Variants in MX2 observed in about 807,000 individuals in gnomAD.
MX2 encodes the protein MX dynamin like GTPase 2.
Under a neutral mutation model 74.0 loss-of-function variants are expected in MX2, and 51 were observed. The observed-to-expected ratio is 0.69, with a 90% CI of 0.55 to 0.87. The LOEUF is 0.87. Ranked by LOEUF, MX2 falls within the 40% of genes least tolerant of loss-of-function variation. The probability of loss-of-function intolerance (pLI) is 0.00; values close to 1 mark genes in which losing one functional copy is unlikely to be tolerated. For missense variants in MX2, 832 were observed against 908.7 expected, an observed-to-expected ratio of 0.92 and a Z score of 1.09; for synonymous variants, 369 against 339.3, an observed-to-expected ratio of 1.09 and a Z score of -0.96.
rs114918887 is a variant in MX2 at position 41,378,445 on chromosome 21, C to T, written c.442+464C>T. 7.2e-3 allele frequency among the ~76,000 whole-genome samples: 1,091 copies of T among 152,278 alleles called. 20 individuals are homozygous for T. Among genetic ancestry groups the T allele is most frequent in the African/African-American group, 0.025 (1,027 of 41,496 alleles). Reference sequence around the variant, plus strand: ...CCCGTGTGTCAGTCAGGTGCAGGGACCTTGCCACCTCTTCCTAGTGGTCTT... The same window carrying T: ...CCCGTGTGTCAGTCAGGTGCAGGGATCTTGCCACCTCTTCCTAGTGGTCTT... On this transcript the variant is annotated intron_variant, in intron 3 of 13. Coordinates refer to ENST00000330714, the MANE Select transcript of MX2 (RefSeq NM_002463.2).
intron 5 of MX2, among the ~76,000 whole-genome samples, chr21:41,384,927 A>T (rs1035474646): frequency 6.6e-6 from 1 of 152,004 alleles, no homozygotes; most frequent in Non-Finnish European, 1.5e-5. Flanking sequence ...TGCTTAAATC[A>T]TTACAAAGGG....
chr21:41,365,478 G>A (rs1204563152), intron 1 of MX2: 1 of 152,142 alleles, frequency 6.6e-6, no homozygotes, highest in African/African-American at 2.4e-5. Flanking sequence ...AGAACATGTG[G>A]TATTTGGTTT....
chr21:41,403,264 C>A lies in MX2; in HGVS notation c.1574-3C>A. On this transcript the variant is annotated splice_polypyrimidine_tract_variant and splice_region_variant and intron_variant, in intron 11 of 13. Transcript: ENST00000330714. ...TCTTCTCCTTTTTGCTTTTTTTGGT[C>A]AGAAATTATCCAGCAAGCTTTCATT... The A allele has an allele frequency of 6.3e-7, 1 of 1,591,090 alleles. No homozygotes were observed. Among genetic ancestry groups the A allele is most frequent in the South Asian group, 1.1e-5 (1 of 89,504 alleles).
At chr21:41,373,342 C>T (rs1232289652) in intron 1 of MX2, among the ~76,000 whole-genome samples, 3 of 152,164 alleles carry the variant, frequency 2.0e-5, no homozygotes, top group East Asian at 3.9e-4. Flanking sequence ...CCAGGAGCCC[C>T]GGCTGTCACC....
intron 1 of MX2, among the ~76,000 whole-genome samples, chr21:41,367,820 C>T (rs1362046658): frequency 6.6e-6 from 1 of 152,160 alleles, no homozygotes; most frequent in Non-Finnish European, 1.5e-5. Flanking sequence ...CTTATCAAGG[C>T]CTTGCTGTCC....
intron 8 of MX2, 52 bp downstream of exon 8, chr21:41,397,743 C>T (rs1178720888): frequency 6.6e-7 from 1 of 1,513,574 alleles, no homozygotes; most frequent in South Asian, 1.1e-5. Flanking sequence ...GCCCAAGTCA[C>T]TCTCTTGGTC....
At chr21:41,383,836 C>G (rs2089531159) in intron 5 of MX2, among the ~76,000 whole-genome samples, 1 of 152,038 alleles carries the variant, frequency 6.6e-6, no homozygotes. Flanking sequence ...TTCCATATTT[C>G]TTAGCCCTCC....
chr21:41,377,660 A>G, intron 2 of MX2, 129 bp from the exon 3 acceptor site: 1 of 936,486 alleles, frequency 1.1e-6, no homozygotes, highest in Non-Finnish European at 1.6e-6. Context: ...GCACCCCTCC[A>G]TCCACCTTCT....
At position 41,369,861 on chromosome 21, in the gene MX2, C is replaced by T. The variant is rs566073942; in HGVS notation, c.-71-6975C>T. ...GCCCCCGCCCCCGCTCCCGCCCCGCCGTGGCTGTGCAGCAAGCAGGGGACA... is the reference window on the plus strand; with the variant it reads ...GCCCCCGCCCCCGCTCCCGCCCCGCTGTGGCTGTGCAGCAAGCAGGGGACA... On this transcript the variant is annotated intron_variant, in intron 1 of 13. Coordinates refer to ENST00000330714, the MANE Select transcript of MX2 (RefSeq NM_002463.2). Among the ~76,000 whole-genome samples the T allele has an allele frequency of 1.5e-4, 23 of 151,782 alleles. 1 individual carries two copies. Among genetic ancestry groups the T allele is most frequent in the Non-Finnish European group, 2.5e-4 (17 of 67,864 alleles).
chr21:41,388,292 G>A lies in MX2; in HGVS notation c.733-2273G>A, dbSNP rs750965796. ...CATGGACCACATTTCCTGTCACTGCGCCTTGGCCCCTCGCTCCACCCTACC... is the reference window on the plus strand; with the variant it reads ...CATGGACCACATTTCCTGTCACTGCACCTTGGCCCCTCGCTCCACCCTACC... On this transcript the variant is annotated intron_variant, in intron 5 of 13. Coordinates refer to ENST00000330714, the MANE Select transcript of MX2 (RefSeq NM_002463.2). This position sits in a 1 kb window ranked among gnomAD's most constrained non-coding sequence, Gnocchi z 4.0. Among the ~76,000 whole-genome samples the A allele has an allele frequency of 2.0e-5, 3 of 152,090 alleles. No homozygotes were observed. The highest frequency in any genetic ancestry group is 7.2e-5 in the African/African-American group (3 of 41,412).
chr21:41,378,809 G>A (rs967779395), intron 3 of MX2, among the ~76,000 whole-genome samples: 2 of 152,210 alleles, frequency 1.3e-5, no homozygotes, highest in Non-Finnish European at 2.9e-5. Flanking sequence ...CAGAACCCAA[G>A]AAGGAGCAGC....
intron 1 of MX2, chr21:41,373,806 A>G (rs1208807041): frequency 1.2e-5 from 1 of 82,468 alleles, no homozygotes; most frequent in Non-Finnish European, 2.2e-5. Context: ...TCTCAAACTT[A>G]AAAAAAAAAA....
intron 13 of MX2, among the ~76,000 whole-genome samples, chr21:41,407,479 T>C (rs2089901927): frequency 6.6e-6 from 1 of 152,174 alleles, no homozygotes; most frequent in Non-Finnish European, 1.5e-5. Context: ...TGACTGTCTA[T>C]CCAATATGCA....
rs2089288485 is a variant in MX2 at position 41,368,632 on chromosome 21, C to T, written c.-72+6577C>T. 6.6e-6 allele frequency among the ~76,000 whole-genome samples: 1 copy of T among 152,186 alleles called. No homozygotes were observed. On this transcript the variant is annotated intron_variant, in intron 1 of 13. Coordinates refer to ENST00000330714, the MANE Select transcript of MX2 (RefSeq NM_002463.2). The surrounding 1 kb of genome is among the most constrained non-coding windows in gnomAD (Gnocchi z 4.6). The stretch of plus-strand genomic sequence containing the variant: ...GATACGCTTAGCAAGACCTGCCCTT[C>T]ATGAAAATGAGGGTGAGGGTGAGGG...
At chr21:41,362,254 CACAG>C (rs2089217324) in intron 1 of MX2, among the ~76,000 whole-genome samples, 199 bp downstream of exon 1, 1 of 152,206 alleles carries the variant, frequency 6.6e-6, no homozygotes, top group South Asian at 2.1e-4. Context: ...TAGCCTTGTG[CACAG>C]ACAAAGAGGC....
chr21:41,373,826 A>AAAG (rs1352659233), intron 1 of MX2: 6 of 150,130 alleles, frequency 4.0e-5, no homozygotes, highest in African/African-American at 1.5e-4. Flanking sequence ...AAAAAAAAAA[A>AAAG]GCCAGACAGA....
chr21:41,390,577 A>C lies in MX2; in HGVS notation c.745A>C (p.Ile249Leu). The C allele has an allele frequency of 6.2e-7, 1 of 1,614,176 alleles. No individual in the cohort carries two copies. Among genetic ancestry groups the C allele is most frequent in the South Asian group, 1.1e-5 (1 of 91,080 alleles). ...TCTTTGGCATCAGATCAAGGCTCTCATCAAGAAGTACATCCAGAGGCAGCA... is the reference window on the plus strand; with the variant it reads ...TCTTTGGCATCAGATCAAGGCTCTCCTCAAGAAGTACATCCAGAGGCAGCA... ...RDIGLQIKALIKKYIQRQQTI... is the reference protein window; with the variant it reads ...RDIGLQIKALLKKYIQRQQTI... Residue 249 changes from isoleucine (I) to leucine (L), a missense_variant, in exon 6 of 14, where the codon ATC (isoleucine) becomes CTC (leucine). Coordinates refer to ENST00000330714, the MANE Select transcript of MX2 (RefSeq NM_002463.2).
chr21:41,374,725 G>C (rs566069529), intron 1 of MX2, among the ~76,000 whole-genome samples: 1 of 152,164 alleles, frequency 6.6e-6, no homozygotes, highest in Non-Finnish European at 1.5e-5. Flanking sequence ...AACTCTGGAC[G>C]CATGAGATTC....
Position 41,368,658 on chromosome 21 carries a change from T to C in MX2, c.-72+6603T>C, listed in dbSNP as rs906897770. On this transcript the variant is annotated intron_variant, in intron 1 of 13. Transcript: ENST00000330714. This position sits in a 1 kb window ranked among gnomAD's most constrained non-coding sequence, Gnocchi z 4.6. ...ATGAAAATGAGGGTGAGGGTGAGGG[T>C]GGCGACAGTTTTAAATATGTTTTAA... Among the ~76,000 whole-genome samples the C allele has an allele frequency of 7.2e-5, 11 of 152,134 alleles. No homozygotes were observed. The highest frequency in any genetic ancestry group is 1.5e-4 in the Non-Finnish European group (10 of 68,022).
Sources: allele counts gnomAD v4.1 joint callset (sites outside exome capture counted in the v4.1 genomes callset), GRCh38; gene constraint gnomAD v4.1.1; non-coding constraint Gnocchi (gnomAD v3.1); transcripts MANE v1.5; gene names NCBI Gene and HGNC (gene_info 2026-07-23, HGNC 2026-07-21).